The following RBPJ variants were observed in gnomAD, a reference collection of about 807,000 sequenced individuals.
The protein encoded by RBPJ is recombining binding protein suppressor of hairless.
A neutral mutation model predicts 67.8 loss-of-function variants in RBPJ; 9 were observed. That is an observed-to-expected ratio of 0.13 (90% CI 0.08 to 0.23). The LOEUF (loss-of-function observed/expected upper bound fraction) is 0.23, where lower values mean the gene tolerates loss of function less well. Among genes scored for constraint, RBPJ ranks in the 10% least tolerant of loss-of-function variants. The pLI, the probability that RBPJ is intolerant of heterozygous loss-of-function variation, is 1.00. For missense variants in RBPJ, 305 were observed against 595.6 expected (o/e 0.51, Z 5.08); for synonymous variants, 198 against 203.3 (o/e 0.97, Z 0.22).
intron 1 of RBPJ, among the ~76,000 whole-genome samples, chr4:26,278,560 G>A (rs979772791): frequency 5.3e-5 from 8 of 152,186 alleles, no homozygotes; most frequent in African/African-American, 1.9e-4. Context: ...CATTGCTATC[G>A]GTTTTCTACA....
chr4:26,324,926 A>G lies in RBPJ; in HGVS notation c.20+3878A>G, dbSNP rs558005678. On this transcript the variant is annotated intron_variant, in intron 1 of 10. Coordinates refer to ENST00000355476, the MANE Select transcript of RBPJ (RefSeq NM_015874.6). ...CAGTGATTAATTTTAAATATGCCTT[A>G]TATTTTTTAGTGCTTTGTTATTTGC... Among the ~76,000 whole-genome samples, 5 of 152,346 alleles carry G rather than the reference A, an allele frequency of 3.3e-5. No homozygotes were observed. In the East Asian group the frequency reaches 5.8e-4, roughly 18 times the overall value.
At chr4:26,301,579 G>A (rs1722080512) in intron 1 of RBPJ, among the ~76,000 whole-genome samples, 1 of 148,332 alleles carries the variant, frequency 6.7e-6, no homozygotes, top group Admixed American at 6.7e-5. Context: ...GTGACAGAGC[G>A]AGACTCTGTC....
intron 1 of RBPJ, among the ~76,000 whole-genome samples, chr4:26,364,411 C>A (rs1420880409): frequency 6.6e-6 from 1 of 152,132 alleles, no homozygotes; most frequent in African/African-American, 2.4e-5. Context: ...AAAAGATATT[C>A]TTGGACATAA....
chr4:26,284,667 C>T (rs1721399689), intron 1 of RBPJ, among the ~76,000 whole-genome samples: 1 of 151,960 alleles, frequency 6.6e-6, no homozygotes, highest in Non-Finnish European at 1.5e-5. Flanking sequence ...TGGGGCTTCG[C>T]CATGTCGGCC....
intron 1 of RBPJ, among the ~76,000 whole-genome samples, chr4:26,175,981 C>T (rs1716782618): frequency 6.6e-6 from 1 of 152,066 alleles, no homozygotes; most frequent in South Asian, 2.1e-4. Context: ...ATCACTGAGC[C>T]CCTGGGCAGG....
chr4:26,250,256 T>A (rs945400264), intron 1 of RBPJ, among the ~76,000 whole-genome samples: 1 of 152,002 alleles, frequency 6.6e-6, no homozygotes, highest in Non-Finnish European at 1.5e-5. Context: ...TGCCCTTTTG[T>A]CTCTGGCTTA....
chr4:26,319,367 C>T (rs1314963348), upstream of RBPJ, among the ~76,000 whole-genome samples: 1 of 152,148 alleles, frequency 6.6e-6, no homozygotes, highest in East Asian at 1.9e-4. Flanking sequence ...AGGGCGTGTG[C>T]GTGTTGTGTG....
chr4:26,397,881 C>T (rs1053476895), intron 2 of RBPJ, among the ~76,000 whole-genome samples: 32 of 152,172 alleles, frequency 2.1e-4, no homozygotes, highest in African/African-American at 6.5e-4. Flanking sequence ...GATCCGCCTG[C>T]GTCGGCCTCC....
chr4:26,348,861 T>C (rs778703012), intron 1 of RBPJ, among the ~76,000 whole-genome samples: 3 of 151,702 alleles, frequency 2.0e-5, no homozygotes, highest in Non-Finnish European at 2.9e-5. Context: ...TGTGACATCA[T>C]GGCCCACGAA....
At chr4:26,238,867 G>A (rs1230444242) in intron 1 of RBPJ, among the ~76,000 whole-genome samples, 6 of 152,074 alleles carry the variant, frequency 3.9e-5, no homozygotes, top group Non-Finnish European at 7.3e-5. Context: ...AGTGAGTGGC[G>A]GCGGCTGTAA....
At chr4:26,415,446 G>GGT in intron 3 of RBPJ, 29 bp from the exon 4 acceptor site, 1 of 1,210,622 alleles carries the variant, frequency 8.3e-7, no homozygotes, top group Non-Finnish European at 1.1e-6. Flanking sequence ...TTTGCTTCTT[G>GGT]TTTTTTTTTT....
intron 1 of RBPJ, among the ~76,000 whole-genome samples, chr4:26,345,741 C>G (rs1726060743): frequency 6.6e-6 from 1 of 152,158 alleles, no homozygotes; most frequent in African/African-American, 2.4e-5. Context: ...CTTTTTAACT[C>G]TCATTAACTC....
intron 1 of RBPJ, among the ~76,000 whole-genome samples, chr4:26,338,475 A>G (rs998241238): frequency 1.3e-5 from 2 of 148,368 alleles, no homozygotes; most frequent in African/African-American, 2.5e-5. Flanking sequence ...TTTTTCTTCC[A>G]TGTGCTCTTT....
upstream of RBPJ, among the ~76,000 whole-genome samples, chr4:26,315,174 A>ATG: frequency 9.5e-6 from 1 of 105,232 alleles, no homozygotes; most frequent in Non-Finnish European, 1.8e-5. Flanking sequence ...AAAAATATAT[A>ATG]TATATATATA....
chr4:26,251,247 A>C (rs1330056263), intron 1 of RBPJ, among the ~76,000 whole-genome samples: 2 of 152,196 alleles, frequency 1.3e-5, no homozygotes, highest in Admixed American at 1.3e-4. Flanking sequence ...CCAAAATTTC[A>C]CACCAGATGA....
At chr4:26,205,618 A>G (rs908991281) in intron 1 of RBPJ, among the ~76,000 whole-genome samples, 1 of 150,210 alleles carries the variant, frequency 6.7e-6, no homozygotes, top group Non-Finnish European at 1.5e-5. Context: ...TTGGAGATAG[A>G]GTCTTACTCT....
chr4:26,368,890 G>C (rs1728883125), intron 1 of RBPJ, among the ~76,000 whole-genome samples: 1 of 152,210 alleles, frequency 6.6e-6, no homozygotes, highest in African/African-American at 2.4e-5. Flanking sequence ...GGGTGACTGG[G>C]TGCAAGCAGA....
chr4:26,106,263 AG>A, the RBPJ span, among the ~76,000 whole-genome samples: 1 of 152,218 alleles, frequency 6.6e-6, no homozygotes, highest in African/African-American at 2.4e-5. Context: ...CTTGCAATAG[AG>A]TTCTAGATAT....
chr4:26,415,358 G>A, intron 3 of RBPJ, 117 bp from the exon 4 acceptor site: 2 of 888,826 alleles, frequency 2.3e-6, no homozygotes, highest in South Asian at 3.9e-5. Flanking sequence ...TTTTTCATTG[G>A]GGAATAGGTG....
Sources: gnomAD v4.1 joint callset for allele counts (sites outside exome capture counted in the v4.1 genomes callset) on GRCh38, gnomAD v4.1.1 for gene constraint, MANE v1.5 for transcripts, NCBI Gene and HGNC (gene_info 2026-07-23, HGNC 2026-07-21) for gene names.